ARMH3: variants seen among roughly 807,000 people sequenced by gnomAD.
ARMH3 encodes the protein armadillo-like helical domain-containing protein 3.
In ARMH3, 60 loss-of-function variants were observed where a neutral mutation model predicts 99.1. That is an observed-to-expected ratio of 0.61 (90% confidence interval 0.49 to 0.75). The LOEUF (loss-of-function observed/expected upper bound fraction) is 0.75, where lower values mean the gene tolerates loss of function less well. Among genes scored for constraint, ARMH3 ranks in the 30% least tolerant of loss-of-function variants. ARMH3 has a pLI of 0.00. For synonymous variants in ARMH3, 285 were observed against 292.8 expected (o/e 0.97, Z 0.27); for missense variants, 679 against 843.1 (o/e 0.81, Z 2.41).
chr10:101,869,729 A>C (rs2067089740), intron 24 of ARMH3, among the ~76,000 whole-genome samples: 2 of 152,214 alleles, frequency 1.3e-5, no homozygotes. Flanking sequence ...AACCATATAA[A>C]TCAATGAAAA....
chr10:101,874,838 T>A (rs2067222360), intron 24 of ARMH3, among the ~76,000 whole-genome samples: 1 of 151,472 alleles, frequency 6.6e-6, no homozygotes, highest in East Asian at 1.9e-4. Flanking sequence ...AACGGGGAGG[T>A]TTATCTGTCC....
At chr10:101,881,120 A>G (rs1329578040) in intron 24 of ARMH3, among the ~76,000 whole-genome samples, 2 of 152,182 alleles carry the variant, frequency 1.3e-5, no homozygotes, top group Non-Finnish European at 2.9e-5. Flanking sequence ...TTGTCATAAT[A>G]CTTTTGAAGA....
At chr10:101,997,456 G>C (rs1033336311) in intron 15 of ARMH3, among the ~76,000 whole-genome samples, 1 of 152,002 alleles carries the variant, frequency 6.6e-6, no homozygotes, top group African/African-American at 2.4e-5. Context: ...GCTGGGCATG[G>C]TGGCGCAAGC....
chr10:102,000,182 A>G (rs573362923), intron 15 of ARMH3, among the ~76,000 whole-genome samples: 1 of 152,362 alleles, frequency 6.6e-6, no homozygotes, highest in East Asian at 1.9e-4. Context: ...TAAAATGTTC[A>G]TGAGTATATA....
At chr10:101,865,720 C>T (rs2066986501) in intron 24 of ARMH3, among the ~76,000 whole-genome samples, 1 of 151,172 alleles carries the variant, frequency 6.6e-6, no homozygotes, top group Non-Finnish European at 1.5e-5. Flanking sequence ...AACTCCTGAC[C>T]TCAGATGATC....
At chr10:101,947,036 A>T (rs1193982227) in intron 22 of ARMH3, among the ~76,000 whole-genome samples, 1 of 151,986 alleles carries the variant, frequency 6.6e-6, no homozygotes, top group Non-Finnish European at 1.5e-5. Context: ...AAAAATACAA[A>T]AATTAGCCAG....
intron 2 of ARMH3, among the ~76,000 whole-genome samples, chr10:102,036,983 T>TG (rs1476454020): frequency 6.7e-6 from 1 of 150,042 alleles, no homozygotes; most frequent in African/African-American, 2.5e-5. Flanking sequence ...ACCCAGGAGG[T>TG]GGAGGCTGTA....
At chr10:101,957,468 A>G (rs190805013) in intron 21 of ARMH3, among the ~76,000 whole-genome samples, 182 bp downstream of exon 21, 2 of 152,316 alleles carry the variant, frequency 1.3e-5, no homozygotes, top group African/African-American at 4.8e-5. Context: ...AGAGTCATGC[A>G]GAGTTTGCCA....
intron 24 of ARMH3, among the ~76,000 whole-genome samples, chr10:101,859,064 T>C (rs1317892795): frequency 6.6e-6 from 1 of 152,192 alleles, no homozygotes; most frequent in African/African-American, 2.4e-5. Context: ...GGAGCTAACA[T>C]GCAAACTGAG....
At chr10:101,851,221 G>C (rs984190606) in intron 24 of ARMH3, among the ~76,000 whole-genome samples, 3 of 152,332 alleles carry the variant, frequency 2.0e-5, no homozygotes, top group African/African-American at 7.2e-5. Context: ...TTGACTATCT[G>C]TGGTTACAGA....
At chr10:102,036,685 T>C (rs1311729449) in intron 2 of ARMH3, among the ~76,000 whole-genome samples, 4 of 151,860 alleles carry the variant, frequency 2.6e-5, no homozygotes, top group Non-Finnish European at 4.4e-5. Context: ...GCAGGCTCGT[T>C]AAGAGTCATC....
intron 21 of ARMH3, 84 bp from the exon 22 acceptor site, chr10:101,956,807 C>T (rs1845061990): frequency 7.1e-7 from 1 of 1,402,414 alleles, no homozygotes; most frequent in South Asian, 1.7e-5. Context: ...CCAGCTCTTA[C>T]TGTCTTGCAA....
chr10:101,917,936 G>T, intron 23 of ARMH3, among the ~76,000 whole-genome samples: 1 of 152,106 alleles, frequency 6.6e-6, no homozygotes. Context: ...TGGCATTTAG[G>T]TTTACAGTCG....
At chr10:102,034,885 G>A (rs2067213182) in intron 2 of ARMH3, among the ~76,000 whole-genome samples, 1 of 151,710 alleles carries the variant, frequency 6.6e-6, no homozygotes, top group South Asian at 2.1e-4. Context: ...TCCACCCTGG[G>A]CAACAAGAGC....
At chr10:101,858,297 T>G (rs2066780771) in intron 24 of ARMH3, among the ~76,000 whole-genome samples, 1 of 152,236 alleles carries the variant, frequency 6.6e-6, no homozygotes, top group Non-Finnish European at 1.5e-5. Context: ...TTAGCCTGCC[T>G]GGACTCATAT....
intron 24 of ARMH3, among the ~76,000 whole-genome samples, chr10:101,876,954 T>C (rs917391743): frequency 6.6e-6 from 1 of 152,048 alleles, no homozygotes; most frequent in Non-Finnish European, 1.5e-5. Context: ...ACACCTGTAA[T>C]CCCGGCATTT....
At chr10:101,861,439 A>G (rs1285186594) in intron 24 of ARMH3, among the ~76,000 whole-genome samples, 1 of 152,218 alleles carries the variant, frequency 6.6e-6, no homozygotes, top group Non-Finnish European at 1.5e-5. Context: ...AGAGATATTA[A>G]AAGAAGTTCT....
At position 102,011,660 on chromosome 10, in the gene ARMH3, T is replaced by C. The variant is rs1284439665; in HGVS notation, c.831+63A>G. 1.5e-5 allele frequency: 21 copies of C among 1,393,270 alleles called. No individual in the cohort carries two copies. The East Asian group carries it at 4.2e-4, about 28-fold the overall frequency. 86.3% of individuals were successfully genotyped at this position (1,393,270 alleles called of 1,614,324 possible). A position where few individuals can be genotyped will look rare whatever the true frequency, so the allele number is the denominator to read the frequency against. On this transcript the variant is annotated intron_variant, in intron 11 of 25. Transcript: ENST00000370033. ...TATCTGAACTTCGGAGCCCGATTTG[T>C]CCACCCCTGCAGACCACACTGTTTC... is the stretch of plus-strand genomic sequence containing the variant.
chr10:102,009,490 G>A (rs912742512), intron 12 of ARMH3, 41 bp from the exon 13 acceptor site: 1 of 1,508,340 alleles, frequency 6.6e-7, no homozygotes, highest in Non-Finnish European at 9.2e-7. Context: ...TTTTATAGTG[G>A]GGGGAGTTAA....
Sources: gnomAD v4.1 joint callset for allele counts (sites outside exome capture counted in the v4.1 genomes callset) on GRCh38, gnomAD v4.1.1 for gene constraint, MANE v1.5 for transcripts, NCBI Gene and HGNC (gene_info 2026-07-23, HGNC 2026-07-21) for gene names.